MCTP1: variants seen among roughly 807,000 people sequenced by gnomAD.
MCTP1 encodes multiple C2 and transmembrane domain containing 1, also known as multiple C2 and transmembrane domain-containing protein 1.
MCTP1 carries 69 observed loss-of-function variants against 120.6 expected under a neutral mutation model. The ratio of observed to expected loss-of-function variants is 0.57; its 90% CI spans 0.47 to 0.70. The LOEUF is 0.70. Among genes scored for constraint, MCTP1 ranks in the 30% least tolerant of loss-of-function variants. The probability of loss-of-function intolerance (pLI) is 0.00; values close to 1 mark genes in which losing one functional copy is unlikely to be tolerated. For synonymous variants in MCTP1, 529 were observed against 493.1 expected (o/e 1.07, Z -0.96); for missense variants, 1,203 against 1,248.8 (o/e 0.96, Z 0.55).
intron 21 of MCTP1, chr5:94,710,101 TTAA>T (rs1756305981): frequency 1.3e-5 from 2 of 152,056 alleles, no homozygotes; most frequent in African/African-American, 4.8e-5. Flanking sequence ...TTATATATTA[TTAA>T]TGTTATAGTA....
At chr5:95,202,496 T>C (rs1299258243) in intron 1 of MCTP1, among the ~76,000 whole-genome samples, 1 of 152,236 alleles carries the variant, frequency 6.6e-6, no homozygotes, top group African/African-American at 2.4e-5. Flanking sequence ...ATTGATTTAT[T>C]GATCTGTCTC....
At chr5:94,911,514 T>C (rs1333751290) in intron 9 of MCTP1, among the ~76,000 whole-genome samples, 2 of 152,142 alleles carry the variant, frequency 1.3e-5, no homozygotes, top group Non-Finnish European at 2.9e-5. Flanking sequence ...GGCACTTCCC[T>C]TTTCACTCTC....
chr5:95,134,170 C>G (rs569682770), intron 1 of MCTP1, among the ~76,000 whole-genome samples: 3 of 152,230 alleles, frequency 2.0e-5, no homozygotes, highest in African/African-American at 7.2e-5. Flanking sequence ...AAATATTTAT[C>G]GGATCATTAT....
intron 1 of MCTP1, among the ~76,000 whole-genome samples, chr5:95,034,556 C>T (rs970158155): frequency 1.3e-5 from 2 of 151,968 alleles, no homozygotes; most frequent in Non-Finnish European, 2.9e-5. Context: ...TATCTCTCAT[C>T]ATATATAAAA....
intron 1 of MCTP1, among the ~76,000 whole-genome samples, chr5:95,247,599 C>G (rs1417613619): frequency 6.6e-6 from 1 of 152,110 alleles, no homozygotes; most frequent in Non-Finnish European, 1.5e-5. Flanking sequence ...TGTCTTTGTT[C>G]TCATTGGTTT....
chr5:94,705,409 G>C lies in MCTP1; in HGVS notation c.*2087C>G, dbSNP rs894282619. 1 of 147,766 alleles carries C rather than the reference G, an allele frequency of 6.8e-6. No individual in the cohort carries two copies. Among genetic ancestry groups the C allele is most frequent in the African/African-American group, 2.5e-5 (1 of 40,118 alleles). The allele number at this position is 147,766 out of a possible 1,614,324, so 9.2% of individuals were successfully genotyped here. ...TTTCATATAAGAGTCAGAGTTTCAG[G>C]AAAAAGGTCTTATTTGTTTAAACCA... On this transcript the variant is annotated 3_prime_UTR_variant, in exon 23 of 23. Coordinates refer to ENST00000515393, the MANE Select transcript of MCTP1 (RefSeq NM_024717.7).
rs1580156154 is a variant in MCTP1 at position 94,706,969 on chromosome 5, C to T, written c.*527G>A. ...AAGTAATTTGCACAGGAGTGAATGT[C>T]GGGATCTAAAGCCAGAATATATGTT... On this transcript the variant is annotated 3_prime_UTR_variant, in exon 23 of 23. Transcript: ENST00000515393. The T allele has an allele frequency of 2.6e-5, 4 of 151,820 alleles. No homozygotes were observed. The highest frequency in any genetic ancestry group is 1.9e-4 in the East Asian group (1 of 5,150). 9.4% of individuals were successfully genotyped at this position (151,820 alleles called of 1,614,324 possible). A position where few individuals can be genotyped will look rare whatever the true frequency, so the allele number is the denominator to read the frequency against.
intron 19 of MCTP1, among the ~76,000 whole-genome samples, chr5:94,726,562 A>G (rs1010317183): frequency 1.6e-5 from 2 of 123,374 alleles, no homozygotes; most frequent in African/African-American, 6.4e-5. Flanking sequence ...TCATATACAC[A>G]AGGTATGGGG....
intron 12 of MCTP1, among the ~76,000 whole-genome samples, chr5:94,875,830 G>C (rs1158065611): frequency 1.3e-5 from 2 of 151,690 alleles, no homozygotes; most frequent in Non-Finnish European, 2.9e-5. Flanking sequence ...AAAGAGGAAA[G>C]TTTAGGTTAA....
chr5:95,002,253 G>A (rs1202191465), intron 2 of MCTP1, among the ~76,000 whole-genome samples: 1 of 152,220 alleles, frequency 6.6e-6, no homozygotes, highest in Non-Finnish European at 1.5e-5. Context: ...AGGGCAGTGT[G>A]GAAGGGAAAT....
At chr5:95,106,271 G>A (rs1274420188) in intron 1 of MCTP1, among the ~76,000 whole-genome samples, 1 of 152,218 alleles carries the variant, frequency 6.6e-6, no homozygotes, top group African/African-American at 2.4e-5. Context: ...AAACGGTTCA[G>A]ACCAAGACTT....
chr5:95,092,426 A>G (rs569270133), intron 1 of MCTP1, among the ~76,000 whole-genome samples: 3 of 152,356 alleles, frequency 2.0e-5, no homozygotes, highest in South Asian at 2.1e-4. Flanking sequence ...ACGTTCTAGT[A>G]TTCTGTAGTA....
At chr5:94,985,390 C>G (rs944580958) in intron 2 of MCTP1, among the ~76,000 whole-genome samples, 1 of 152,148 alleles carries the variant, frequency 6.6e-6, no homozygotes. Context: ...GAAATAAGAT[C>G]TATTTTTTAT....
chr5:95,227,898 A>G (rs1754464742), intron 1 of MCTP1, among the ~76,000 whole-genome samples: 1 of 152,206 alleles, frequency 6.6e-6, no homozygotes. Context: ...TTGGGTGGAA[A>G]GTTTAGTGTG....
chr5:95,192,576 G>C (rs1049388461), intron 1 of MCTP1, among the ~76,000 whole-genome samples: 3 of 152,016 alleles, frequency 2.0e-5, no homozygotes, highest in African/African-American at 7.2e-5. Flanking sequence ...TAAAAGGGCA[G>C]ACATATTTAT....
At chr5:94,918,079 G>A in intron 7 of MCTP1, 106 bp from the exon 8 acceptor site, 2 of 813,922 alleles carry the variant, frequency 2.5e-6, no homozygotes, top group South Asian at 3.3e-5. Flanking sequence ...CATTATTTGA[G>A]AAAATTTGTA....
chr5:95,212,853 G>A (rs137982790), intron 1 of MCTP1, among the ~76,000 whole-genome samples: 1,829 of 152,164 alleles, frequency 0.012, 28 homozygotes, highest in African/African-American at 0.041. Flanking sequence ...AGGTATTCAC[G>A]GGACGTATCT....
intron 1 of MCTP1, among the ~76,000 whole-genome samples, chr5:95,033,712 T>C (rs1840712274): frequency 6.6e-6 from 1 of 151,876 alleles, no homozygotes. Context: ...ATAGGAGTCC[T>C]AGCCAGAGCA....
chr5:95,201,333 T>C (rs938350377), intron 1 of MCTP1, among the ~76,000 whole-genome samples: 6 of 152,140 alleles, frequency 3.9e-5, no homozygotes, highest in African/African-American at 1.4e-4. Context: ...CATTGATTCA[T>C]AGGCACATTA....
Sources: allele counts gnomAD v4.1 joint callset (sites outside exome capture counted in the v4.1 genomes callset), GRCh38; gene constraint gnomAD v4.1.1; transcripts MANE v1.5; gene names NCBI Gene and HGNC (gene_info 2026-07-23, HGNC 2026-07-21).